GAB2: variants seen among roughly 807,000 people sequenced by gnomAD.
GAB2 encodes the protein GRB2-associated-binding protein 2.
A neutral mutation model predicts 65.5 loss-of-function variants in GAB2; 26 were observed. The ratio of observed to expected loss-of-function variants is 0.40; its 90% CI spans 0.29 to 0.55. The LOEUF (loss-of-function observed/expected upper bound fraction) is 0.55. Ranked by LOEUF, GAB2 falls within the 20% of genes least tolerant of loss-of-function variation. The probability of loss-of-function intolerance (pLI) is 0.53; values close to 1 mark genes in which losing one functional copy is unlikely to be tolerated. For synonymous variants in GAB2, 321 were observed against 329.6 expected (o/e 0.97, Z 0.28); for missense variants, 884 against 875.8 (o/e 1.01, Z -0.12).
chr11:78,356,588 G>A (rs1200317989), intron 1 of GAB2, among the ~76,000 whole-genome samples: 1 of 152,076 alleles, frequency 6.6e-6, no homozygotes, highest in Admixed American at 6.6e-5. Context: ...TTGGTTTTGA[G>A]CAATTAAGTT....
Position 78,370,712 on chromosome 11 carries a change from C to CCT in GAB2, c.75+46933_75+46934insAG, listed in dbSNP as rs58668713. ...ACTACTAATATTGTATGTGTGTGTG[C>CCT]GTGTGTGTGTGTATGTGTGTGTGTG... On this transcript the variant is annotated intron_variant, in intron 1 of 9. Transcript: ENST00000361507. Among the ~76,000 whole-genome samples, 528 of 123,282 alleles carry CCT rather than the reference C, an allele frequency of 4.3e-3. 6 individuals carry two copies. The highest frequency in any genetic ancestry group is 0.014 in the African/African-American group (470 of 34,640). The allele number at this position is 123,282 out of a possible 152,430, so 80.9% of individuals were successfully genotyped here.
chr11:78,270,963 A>G (rs1163818797), intron 2 of GAB2, among the ~76,000 whole-genome samples: 4 of 152,268 alleles, frequency 2.6e-5, no homozygotes, highest in Admixed American at 1.3e-4. Flanking sequence ...AAGTGCAGCT[A>G]GCTGCCTTTC....
intron 1 of GAB2, among the ~76,000 whole-genome samples, chr11:78,291,657 G>A (rs553362630): frequency 1.1e-4 from 13 of 122,986 alleles, no homozygotes; most frequent in Admixed American, 2.2e-4. Context: ...CTGTAGCCCC[G>A]ACCTCCTAGG....
intron 2 of GAB2, among the ~76,000 whole-genome samples, chr11:78,257,009 G>A (rs1451906824): frequency 3.4e-5 from 5 of 148,482 alleles, no homozygotes; most frequent in Non-Finnish European, 6.0e-5. Flanking sequence ...CTTTTAAACA[G>A]TTTTTTTTTT....
At chr11:78,260,039 A>C (rs1050492968) in intron 2 of GAB2, among the ~76,000 whole-genome samples, 1 of 152,238 alleles carries the variant, frequency 6.6e-6, no homozygotes, top group Non-Finnish European at 1.5e-5. Context: ...ACATTTGTGG[A>C]TCAAAGTACT....
Position 78,225,089 on chromosome 11 carries a change from TGG to T in GAB2, c.1302+17_1302+18del. ...CTAACCAGGCCGGCCTGAGGACCCT[TGG>T]GTTAACCCACACTCACCAGGAAAGA... On this transcript the variant is annotated intron_variant, in intron 5 of 9. Coordinates refer to ENST00000361507, the MANE Select transcript of GAB2 (RefSeq NM_080491.3). 2 of 1,559,974 alleles carry T rather than the reference TGG, an allele frequency of 1.3e-6. No individual in the cohort carries two copies. Among genetic ancestry groups the T allele is most frequent in the Non-Finnish European group, 1.8e-6 (2 of 1,131,568 alleles).
At chr11:78,331,821 C>A (rs1376108597) in intron 1 of GAB2, among the ~76,000 whole-genome samples, 2 of 152,136 alleles carry the variant, frequency 1.3e-5, no homozygotes, top group Admixed American at 1.3e-4. Flanking sequence ...AAACCAGTGG[C>A]TGCCACCACA....
chr11:78,321,977 A>C (rs1855733528), intron 1 of GAB2, among the ~76,000 whole-genome samples: 1 of 152,074 alleles, frequency 6.6e-6, no homozygotes, highest in East Asian at 1.9e-4. Flanking sequence ...ATCATGATAC[A>C]TAATTATTAA....
intron 1 of GAB2, among the ~76,000 whole-genome samples, chr11:78,381,620 T>C (rs1429288136): frequency 6.6e-6 from 1 of 152,126 alleles, no homozygotes; most frequent in African/African-American, 2.4e-5. Context: ...CTCTTCCTCC[T>C]TTCCCTATAT....
At chr11:78,394,014 C>T (rs1188961322) in intron 1 of GAB2, among the ~76,000 whole-genome samples, 3 of 152,330 alleles carry the variant, frequency 2.0e-5, no homozygotes, top group Admixed American at 6.5e-5. Context: ...ATGGGCCAGG[C>T]GTGGTGGCTC....
intron 1 of GAB2, among the ~76,000 whole-genome samples, chr11:78,300,701 T>TG (rs1428444276): frequency 1.4e-5 from 2 of 140,022 alleles, no homozygotes; most frequent in Non-Finnish European, 1.5e-5. Flanking sequence ...TTTTGTTTTT[T>TG]TTTTTTTTTT....
rs1174593040 is a variant in GAB2, at chr11:78,215,294, T to A, written c.*3978A>T. 6.6e-6 allele frequency: 1 copy of A among 152,576 alleles called. No individual in the cohort carries two copies. The allele number at this position is 152,576 out of a possible 1,614,324, so 9.5% of individuals were successfully genotyped here. ...AGACAAGATGGACACGGCAGCTGGT[T>A]CTGGGGTGCATTTCTAGTGGACTTT... On this transcript the variant is annotated 3_prime_UTR_variant, in exon 10 of 10. Coordinates refer to ENST00000361507, the MANE Select transcript of GAB2 (RefSeq NM_080491.3).
At chr11:78,255,364 G>A (rs1161097849) in intron 2 of GAB2, among the ~76,000 whole-genome samples, 1 of 152,134 alleles carries the variant, frequency 6.6e-6, no homozygotes, top group East Asian at 1.9e-4. Context: ...TCACTTTGTG[G>A]TAATTTGTCA....
chr11:78,291,555 C>CTTTTTTTTTTTTTTTTTTTTTTTTT lies in GAB2; in HGVS notation c.76-10655_76-10654insAAAAAAAAAAAAAAAAAAAAAAAAA, dbSNP rs796161663. Among the ~76,000 whole-genome samples, 4 of 55,046 alleles carry CTTTTTTTTTTTTTTTTTTTTTTTTT rather than the reference C, an allele frequency of 7.3e-5. 1 individual carries two copies. Among genetic ancestry groups the CTTTTTTTTTTTTTTTTTTTTTTTTT allele is most frequent in the African/African-American group, 1.3e-4 (2 of 15,662 alleles). 36.1% of individuals were successfully genotyped at this position (55,046 alleles called of 152,430 possible). ...CCTATCTTGAGAGACTTACTTTTTT[C>CTTTTTTTTTTTTTTTTTTTTTTTTT]TTTTTCTTTTTTTTTTTTTTTTTTT... On this transcript the variant is annotated intron_variant, in intron 1 of 9. Coordinates refer to ENST00000361507, the MANE Select transcript of GAB2 (RefSeq NM_080491.3).
At position 78,216,908 on chromosome 11, in the gene GAB2, C is replaced by A. The variant is rs1864177432; in HGVS notation, c.*2364G>T. On this transcript the variant is annotated 3_prime_UTR_variant, in exon 10 of 10. Coordinates refer to ENST00000361507, the MANE Select transcript of GAB2 (RefSeq NM_080491.3). ...ACTCTGCCCAGTGTAGCTACCACCA[C>A]TGCTTCCATTCACTTATTGGAACAC... is the stretch of plus-strand genomic sequence containing the variant. 6.6e-6 allele frequency: 1 copy of A among 152,472 alleles called. No homozygotes were observed. The highest frequency in any genetic ancestry group is 2.4e-5 in the African/African-American group (1 of 41,572). The allele number at this position is 152,472 out of a possible 1,614,324, so 9.4% of individuals were successfully genotyped here.
intron 2 of GAB2, among the ~76,000 whole-genome samples, chr11:78,254,041 A>T (rs1865530632): frequency 6.6e-6 from 1 of 152,138 alleles, no homozygotes; most frequent in African/African-American, 2.4e-5. Context: ...CCCTTCCTTG[A>T]GCTCAGCCTG....
intron 1 of GAB2, chr11:78,341,709 C>T (rs1191638860): frequency 1.0e-6 from 1 of 962,262 alleles, no homozygotes; most frequent in Non-Finnish European, 1.2e-6. Context: ...AACAAATATT[C>T]AGAACCTGCT....
intron 1 of GAB2, among the ~76,000 whole-genome samples, chr11:78,290,937 T>C (rs564566709): frequency 1.3e-5 from 2 of 152,302 alleles, no homozygotes; most frequent in Admixed American, 6.5e-5. Flanking sequence ...TTGTTAAGGA[T>C]GTTAGCAAAT....
intron 1 of GAB2, among the ~76,000 whole-genome samples, chr11:78,356,006 C>G (rs1856353947): frequency 6.6e-6 from 1 of 151,758 alleles, no homozygotes; most frequent in African/African-American, 2.4e-5. Context: ...AAGCCCGTCT[C>G]TAATAAAAAT....
Sources: allele counts gnomAD v4.1 joint callset (sites outside exome capture counted in the v4.1 genomes callset), GRCh38; gene constraint gnomAD v4.1.1; transcripts MANE v1.5; gene names NCBI Gene and HGNC (gene_info 2026-07-23, HGNC 2026-07-21).